The following ANKS1B variants were observed in gnomAD, a reference collection of about 807,000 sequenced individuals.
The protein encoded by ANKS1B is ankyrin repeat and sterile alpha motif domain containing 1B, also known as ankyrin repeat and sterile alpha motif domain-containing protein 1B.
A neutral mutation model predicts 148.3 loss-of-function variants in ANKS1B; 36 were observed. The ratio of observed to expected loss-of-function variants is 0.24; its 90% CI spans 0.19 to 0.32. ANKS1B has a LOEUF of 0.32. Among genes scored for constraint, ANKS1B ranks in the 10% least tolerant of loss-of-function variants. ANKS1B has a pLI of 1.00. For synonymous variants in ANKS1B, 542 were observed against 560.8 expected (o/e 0.97, Z 0.47); for missense variants, 1,157 against 1,542.6 (o/e 0.75, Z 4.19).
At chr12:99,485,893 A>G (rs1323885414) in intron 10 of ANKS1B, among the ~76,000 whole-genome samples, 1 of 152,070 alleles carries the variant, frequency 6.6e-6, no homozygotes, top group Admixed American at 6.6e-5. Context: ...CTTTTTCTGG[A>G]TGATATCTAT....
At chr12:99,953,549 AAAGTT>A (rs1165278258) in intron 1 of ANKS1B, among the ~76,000 whole-genome samples, 2 of 152,068 alleles carry the variant, frequency 1.3e-5, no homozygotes, top group African/African-American at 4.8e-5. Flanking sequence ...AACATACATG[AAAGTT>A]AAGAAAAGTT....
intron 8 of ANKS1B, among the ~76,000 whole-genome samples, chr12:99,702,357 C>G (rs1449515080): frequency 6.6e-6 from 1 of 152,068 alleles, no homozygotes; most frequent in African/African-American, 2.4e-5. Flanking sequence ...AATGTCTATT[C>G]AGATCTTTTG....
chr12:98,888,382 T>C (rs1275602737), intron 17 of ANKS1B, among the ~76,000 whole-genome samples: 1 of 152,220 alleles, frequency 6.6e-6, no homozygotes, highest in Non-Finnish European at 1.5e-5. Flanking sequence ...TGGACTACTC[T>C]CATAGTCTTC....
At chr12:99,812,349 G>C in intron 2 of ANKS1B, 38 bp from the exon 3 acceptor site, 1 of 1,593,884 alleles carries the variant, frequency 6.3e-7, no homozygotes, top group South Asian at 1.1e-5. Context: ...AATAGGCTGA[G>C]CAAGACAAAC....
At chr12:99,034,556 TC>T (rs1244148961) in intron 17 of ANKS1B, among the ~76,000 whole-genome samples, 3 of 152,148 alleles carry the variant, frequency 2.0e-5, no homozygotes, top group Non-Finnish European at 2.9e-5. Flanking sequence ...ACTCAAGCAA[TC>T]CACCTGCCTT....
chr12:99,557,282 C>T (rs2097287703), intron 9 of ANKS1B, among the ~76,000 whole-genome samples: 1 of 152,156 alleles, frequency 6.6e-6, no homozygotes, highest in Admixed American at 6.5e-5. Context: ...TTCTTGCTTT[C>T]TCTCCCTCTC....
At chr12:99,005,612 G>A (rs540410300) in intron 17 of ANKS1B, among the ~76,000 whole-genome samples, 2 of 152,206 alleles carry the variant, frequency 1.3e-5, no homozygotes, top group Admixed American at 1.3e-4. Context: ...CCTCTCGATT[G>A]CTTTAGCTTG....
At chr12:98,921,823 T>A (rs2152912525) in intron 17 of ANKS1B, among the ~76,000 whole-genome samples, 1 of 152,368 alleles carries the variant, frequency 6.6e-6, no homozygotes, top group East Asian at 1.9e-4. Flanking sequence ...TTTTCATATT[T>A]ATTAATAGCA....
intron 15 of ANKS1B, among the ~76,000 whole-genome samples, chr12:99,089,376 T>C (rs917147707): frequency 2.0e-5 from 3 of 152,128 alleles, no homozygotes; most frequent in African/African-American, 4.8e-5. Flanking sequence ...AACTTCTCTG[T>C]CAAATGTTAA....
At chr12:99,058,761 G>A (rs1335405020) in intron 16 of ANKS1B, among the ~76,000 whole-genome samples, 4 of 86,342 alleles carry the variant, frequency 4.6e-5, no homozygotes, top group South Asian at 4.1e-4. Flanking sequence ...TTTTTGAGAC[G>A]GAGTCTCGCT....
intron 12 of ANKS1B, among the ~76,000 whole-genome samples, chr12:99,277,144 A>C (rs1413072722): frequency 1.3e-5 from 2 of 152,184 alleles, no homozygotes; most frequent in Non-Finnish European, 2.9e-5. Context: ...ATGTATTAAA[A>C]AACTGAGACG....
intron 10 of ANKS1B, among the ~76,000 whole-genome samples, chr12:99,485,749 G>T (rs1379383584): frequency 3.3e-5 from 5 of 151,920 alleles, no homozygotes; most frequent in Non-Finnish European, 5.9e-5. Context: ...TATTTTGTCT[G>T]ACTGGGTTAA....
intron 17 of ANKS1B, among the ~76,000 whole-genome samples, chr12:98,953,592 G>C (rs966572450): frequency 9.6e-6 from 1 of 104,462 alleles, no homozygotes; most frequent in Non-Finnish European, 1.7e-5. Flanking sequence ...TTTCTCTAGA[G>C]CCCTCCACCT....
chr12:98,875,855 C>A (rs1349622896), intron 17 of ANKS1B, among the ~76,000 whole-genome samples: 1 of 152,142 alleles, frequency 6.6e-6, no homozygotes, highest in African/African-American at 2.4e-5. Context: ...TCTAAAAGGA[C>A]TACAGTGATG....
chr12:99,746,276 T>A (rs962693469), intron 8 of ANKS1B, among the ~76,000 whole-genome samples: 5 of 152,180 alleles, frequency 3.3e-5, no homozygotes, highest in African/African-American at 1.2e-4. Flanking sequence ...ATTAAGGAAA[T>A]AATTCAGTGT....
chr12:98,856,299 C>T (rs1288142029), intron 17 of ANKS1B, among the ~76,000 whole-genome samples: 2 of 152,038 alleles, frequency 1.3e-5, no homozygotes, highest in African/African-American at 2.4e-5. Context: ...AACCCATTCT[C>T]CTTATTTTTG....
chr12:99,148,608 G>A (rs952140251), intron 15 of ANKS1B, among the ~76,000 whole-genome samples: 2 of 152,036 alleles, frequency 1.3e-5, no homozygotes, highest in African/African-American at 4.8e-5. Context: ...ATAACAATTG[G>A]AAAGAACATT....
chr12:99,426,128 ATG>A (rs1468064336), intron 11 of ANKS1B, among the ~76,000 whole-genome samples: 1 of 152,146 alleles, frequency 6.6e-6, no homozygotes, highest in African/African-American at 2.4e-5. Flanking sequence ...AGATAAGAAA[ATG>A]TGTCTCTCAG....
chr12:99,326,641 G>C (rs150627892), intron 12 of ANKS1B, among the ~76,000 whole-genome samples: 3 of 151,922 alleles, frequency 2.0e-5, no homozygotes, highest in Non-Finnish European at 4.4e-5. Flanking sequence ...ATATTGTTAC[G>C]TAAAAAGTGC....
Sources: gnomAD v4.1 joint callset for allele counts (sites outside exome capture counted in the v4.1 genomes callset) on GRCh38, gnomAD v4.1.1 for gene constraint, MANE v1.5 for transcripts, NCBI Gene and HGNC (gene_info 2026-07-23, HGNC 2026-07-21) for gene names.